COL16A1: variants seen among roughly 807,000 people sequenced by gnomAD.
COL16A1 encodes the protein collagen type XVI alpha 1 chain, also known as collagen alpha-1(XVI) chain.
In COL16A1, 189 loss-of-function variants were observed where a neutral mutation model predicts 266.3. The observed-to-expected ratio is 0.71, with a 90% CI of 0.63 to 0.80. The LOEUF is 0.80. Ranked by LOEUF, COL16A1 falls within the 30% of genes least tolerant of loss-of-function variation. The probability of loss-of-function intolerance (pLI) is 0.00; values close to 1 mark genes in which losing one functional copy is unlikely to be tolerated. For missense variants in COL16A1, 1,928 were observed against 2,122.4 expected (o/e 0.91, Z 1.80); for synonymous variants, 740 against 782.3 (o/e 0.95, Z 0.90).
rs1570577505 is a variant in COL16A1 at position 31,694,273 on chromosome 1, G to C, written c.982-103C>G. 8.8e-6 allele frequency: 8 copies of C among 908,762 alleles called. No homozygotes were observed. The South Asian group carries it at 1.6e-4, about 18-fold the overall frequency. The allele number at this position is 908,762 out of a possible 1,614,324, so 56.3% of individuals were successfully genotyped here. A position where few individuals can be genotyped will look rare whatever the true frequency, so the allele number is the denominator to read the frequency against. On this transcript the variant is annotated intron_variant, in intron 11 of 70. Coordinates refer to ENST00000373672, the MANE Select transcript of COL16A1 (RefSeq NM_001856.4). The stretch of plus-strand genomic sequence containing the variant: ...GACAGGGTCACACAGCATGGTAGCA[G>C]GACCAGCAGCCTGTATCCCAGCCCC...
chr1:31,679,926 G>A (rs1436932443), intron 40 of COL16A1, 75 bp from the exon 41 acceptor site: 4 of 1,544,244 alleles, frequency 2.6e-6, no homozygotes, highest in African/African-American at 2.8e-5. Context: ...GGGCTGCGTG[G>A]GGAGGCGGCT....
chr1:31,677,999 G>A (rs1643326969), intron 42 of COL16A1, among the ~76,000 whole-genome samples: 1 of 152,204 alleles, frequency 6.6e-6, no homozygotes, highest in Admixed American at 6.5e-5. Context: ...CCTGTTTCCT[G>A]GCAGTGTGGC....
At chr1:31,671,830 G>GTCA (rs774442926) in intron 47 of COL16A1, among the ~76,000 whole-genome samples, 171 bp from the exon 48 acceptor site, 8 of 152,190 alleles carry the variant, frequency 5.3e-5, no homozygotes, top group Non-Finnish European at 1.2e-4. Context: ...GGCCCATTCG[G>GTCA]TCATCCTACA....
At chr1:31,691,389 A>G in intron 19 of COL16A1, 28 bp downstream of exon 19, 1 of 1,598,760 alleles carries the variant, frequency 6.3e-7, no homozygotes, top group South Asian at 1.1e-5. Context: ...TGAGAAAAGC[A>G]CAGCAGGAGA....
At chr1:31,682,861 C>G (rs773014679) in intron 37 of COL16A1, 73 bp downstream of exon 37, 77 of 1,591,762 alleles carry the variant, frequency 4.8e-5, no homozygotes, top group Non-Finnish European at 6.4e-5. Context: ...AGGGTCAGCC[C>G]TGTGCCCTCT....
intron 17 of COL16A1, 43 bp downstream of exon 17, chr1:31,691,962 C>T (rs1478799887): frequency 1.9e-6 from 3 of 1,613,068 alleles, no homozygotes; most frequent in Non-Finnish European, 2.5e-6. Context: ...ATTCTCAGAC[C>T]CCGTGCTGTG....
intron 11 of COL16A1, among the ~76,000 whole-genome samples, chr1:31,694,634 C>A (rs1644415962): frequency 6.6e-6 from 1 of 152,154 alleles, no homozygotes; most frequent in African/African-American, 2.4e-5. Context: ...AATGTTAGGC[C>A]CCAGAAAAAT....
intron 62 of COL16A1, chr1:31,659,889 A>G (rs191928698): frequency 2.4e-4 from 35 of 148,414 alleles, no homozygotes; most frequent in Admixed American, 2.1e-3. Flanking sequence ...TTGATATGGC[A>G]TTCCCAATCC....
intron 67 of COL16A1, 110 bp from the exon 68 acceptor site, chr1:31,654,968 ATTCT>A (rs1640976735): frequency 2.3e-4 from 99 of 435,810 alleles, no homozygotes; most frequent in Non-Finnish European, 2.7e-4. Flanking sequence ...CCTCCCACAG[ATTCT>A]TTTTTTTTTT....
At chr1:31,674,888 G>A (rs909049465) in intron 44 of COL16A1, 119 bp downstream of exon 44, 37 of 1,471,286 alleles carry the variant, frequency 2.5e-5, no homozygotes, top group Admixed American at 4.2e-5. Context: ...CTTGGAATGC[G>A]TATTCCCTGC....
rs1298771165 is a variant in COL16A1, at chr1:31,661,759, A to C, written c.3682-55T>G. The C allele has an allele frequency of 7.7e-6, 12 of 1,553,620 alleles. No homozygotes were observed. In the East Asian group the frequency reaches 2.3e-4, roughly 29 times the overall value. ...AAGAGTTTTGCCCAGCTTGTATCCAACTCATACCTCTGTCCTCCCCTCTCT... is the reference window on the plus strand; with the variant it reads ...AAGAGTTTTGCCCAGCTTGTATCCACCTCATACCTCTGTCCTCCCCTCTCT... On this transcript the variant is annotated intron_variant, in intron 58 of 70. Transcript: ENST00000373672.
Position 31,684,883 on chromosome 1 carries a change from G to A in COL16A1, c.2017-27C>T, listed in dbSNP as rs185030854. 2.1e-5 allele frequency: 34 copies of A among 1,612,800 alleles called. No homozygotes were observed. In the East Asian group the frequency reaches 4.2e-4, roughly 20 times the overall value. ...TGAGGAGAAAGCATTTCCAGCACCCGCTCACTCATACCAGCCACCCCAAAG... is the reference window on the plus strand; with the variant it reads ...TGAGGAGAAAGCATTTCCAGCACCCACTCACTCATACCAGCCACCCCAAAG... On this transcript the variant is annotated intron_variant, in intron 29 of 70. Transcript: ENST00000373672.
chr1:31,678,006 T>C (rs1454975094), intron 42 of COL16A1, among the ~76,000 whole-genome samples: 1 of 152,182 alleles, frequency 6.6e-6, no homozygotes, highest in Non-Finnish European at 1.5e-5. Context: ...CCTGGCAGTG[T>C]GGCAGGAAGC....
chr1:31,673,013 G>A (rs936715772), intron 44 of COL16A1, 173 bp from the exon 45 acceptor site: 27 of 700,746 alleles, frequency 3.9e-5, no homozygotes, highest in Admixed American at 8.2e-5. Context: ...CTCCATCCTC[G>A]GGGGACCCAC....
At chr1:31,695,925 C>T (rs926051367) in intron 9 of COL16A1, 138 bp from the exon 10 acceptor site, 31 of 987,176 alleles carry the variant, frequency 3.1e-5, no homozygotes, top group Middle Eastern at 4.3e-4. Context: ...CACCCCCATC[C>T]GTCCTTCTTG....
intron 44 of COL16A1, among the ~76,000 whole-genome samples, chr1:31,674,268 C>A (rs1179077245): frequency 1.3e-5 from 2 of 152,150 alleles, no homozygotes. Context: ...GGGAAAGACC[C>A]CTGAGGATGC....
chr1:31,655,515 A>G lies in COL16A1; in HGVS notation c.4102-13T>C, dbSNP rs1213977584. On this transcript the variant is annotated splice_polypyrimidine_tract_variant and intron_variant, in intron 66 of 70. Coordinates refer to ENST00000373672, the MANE Select transcript of COL16A1 (RefSeq NM_001856.4). ...CTCCTGGATCACCCTACAAAGATAG[A>G]TACTTAGTGCTGTCAAATTTACATC... 2 of 1,613,078 alleles carry G rather than the reference A, an allele frequency of 1.2e-6. No individual in the cohort carries two copies. The highest frequency in any genetic ancestry group is 1.3e-5 in the African/African-American group (1 of 74,874).
chr1:31,700,965 G>A (rs1644703877), intron 2 of COL16A1, among the ~76,000 whole-genome samples: 1 of 152,210 alleles, frequency 6.6e-6, no homozygotes, highest in African/African-American at 2.4e-5. Flanking sequence ...GGGGCTGACT[G>A]AGCAGAAGTG....
chr1:31,664,079 T>G lies in COL16A1; in HGVS notation c.3555+1093A>C, dbSNP rs1396106326. Among the ~76,000 whole-genome samples, 1 of 149,690 alleles carries G rather than the reference T, an allele frequency of 6.7e-6. No homozygotes were observed. The highest frequency in any genetic ancestry group is 1.5e-5 in the Non-Finnish European group (1 of 67,734). ...ACTGGCAGTTGGGATGAAGAACCAC[T>G]GGCCAGAGGTTTGGGATTCTCTGCA... On this transcript the variant is annotated intron_variant, in intron 56 of 70. Transcript: ENST00000373672. This position sits in a 1 kb window ranked among gnomAD's most constrained non-coding sequence, Gnocchi z 5.5.
Sources: allele counts gnomAD v4.1 joint callset (sites outside exome capture counted in the v4.1 genomes callset), GRCh38; gene constraint gnomAD v4.1.1; non-coding constraint Gnocchi (gnomAD v3.1); transcripts MANE v1.5; gene names NCBI Gene and HGNC (gene_info 2026-07-23, HGNC 2026-07-21).